LAMA1: variants seen among roughly 807,000 people sequenced by gnomAD.
The protein encoded by LAMA1 is laminin subunit alpha 1, also known as laminin subunit alpha-1.
A neutral mutation model predicts 348.7 loss-of-function variants in LAMA1; 219 were observed. The ratio of observed to expected loss-of-function variants is 0.63; its 90% confidence interval spans 0.56 to 0.70. The LOEUF (loss-of-function observed/expected upper bound fraction) is 0.70, where lower values mean the gene tolerates loss of function less well. Among genes scored for constraint, LAMA1 ranks in the 30% least tolerant of loss-of-function variants. The pLI is 0.00. For missense variants in LAMA1, 3,744 were observed against 3,888.0 expected, an observed-to-expected ratio of 0.96 and a Z score of 0.99; for synonymous variants, 1,487 against 1,491.0, an observed-to-expected ratio of 1.00 and a Z score of 0.06.
At chr18:6,986,486 G>T in intron 36 of LAMA1, 139 bp from the exon 37 acceptor site, 1 of 736,164 alleles carries the variant, frequency 1.4e-6, no homozygotes, top group East Asian at 2.7e-5. Context: ...AACTTCTTAA[G>T]AATGGAAACA....
In LAMA1 at chr18:6,950,985, G is replaced by A. The variant is rs889904867; in HGVS notation, c.8208-14C>T. ...TCAACCGAGAGCCTGGGGAAAACAA[G>A]TGCTCAGCGTTGAGAAAGGAAACTT... On this transcript the variant is annotated splice_polypyrimidine_tract_variant and intron_variant, in intron 57 of 62. Coordinates refer to ENST00000389658, the MANE Select transcript of LAMA1 (RefSeq NM_005559.4). The A allele has an allele frequency of 6.2e-7, 1 of 1,612,080 alleles. No individual in the cohort carries two copies. Among genetic ancestry groups the A allele is most frequent in the Non-Finnish European group, 8.5e-7 (1 of 1,179,244 alleles).
At chr18:7,007,422 A>G in intron 28 of LAMA1, 146 bp from the exon 29 acceptor site, 1 of 742,068 alleles carries the variant, frequency 1.3e-6, no homozygotes. Context: ...AATGCAAATG[A>G]AAAAACACAA....
intron 3 of LAMA1, chr18:7,079,464 T>C (rs765726039): frequency 1.0e-5 from 2 of 190,614 alleles, no homozygotes; most frequent in Non-Finnish European, 2.2e-5. Flanking sequence ...CTTAAGTTAC[T>C]ATTGGGCAAC....
rs11338285 is a variant in LAMA1 at position 6,965,207 on chromosome 18, GA to G, written c.7195+80del. 0.024 allele frequency: 36,873 copies of G among 1,565,486 alleles called. 6,529 individuals are homozygous for G. In the African/African-American group the frequency reaches 0.41, roughly 17 times the overall value. On this transcript the variant is annotated intron_variant, in intron 50 of 62. Coordinates refer to ENST00000389658, the MANE Select transcript of LAMA1 (RefSeq NM_005559.4). Reference sequence around the variant, plus strand: ...ATTCAATACCCAGGAAACTACTGTGGAAAAAAAGAATGCTGATTTTGAAAAG... The same window carrying G: ...ATTCAATACCCAGGAAACTACTGTGGAAAAAAGAATGCTGATTTTGAAAAG...
Position 7,015,645 on chromosome 18 carries a change from A to G in LAMA1, c.3126+77T>C, listed in dbSNP as rs759858896. On this transcript the variant is annotated intron_variant, in intron 22 of 62. Transcript: ENST00000389658. ...TTCAACAGATTAAAGTCCAGAAAAT[A>G]TATAGAAGAACAGGCCTGAAACTTG... is the stretch of plus-strand genomic sequence containing the variant. The G allele has an allele frequency of 2.2e-4, 337 of 1,550,232 alleles. 1 individual carries two copies. The highest frequency in any genetic ancestry group is 2.8e-4 in the Non-Finnish European group (311 of 1,126,550).
At position 7,050,923 on chromosome 18, in the gene LAMA1, G is replaced by A. The variant is rs914979365; in HGVS notation, c.359C>T (p.Ala120Val). The A allele has an allele frequency of 6.2e-6, 10 of 1,614,106 alleles. No homozygotes were observed. The highest frequency in any genetic ancestry group is 8.5e-6 in the Non-Finnish European group (10 of 1,180,016). ...TLDLRQVFQVAYVIIKAANAP... is the reference protein window; with the variant it reads ...TLDLRQVFQVVYVIIKAANAP... ...ATTGGCAGCTTTAATGATGACATAT[G>A]CAACTTGAAAGACCTGAAACAAAGA... Residue 120 changes from alanine (A) to valine (V), a missense_variant, in exon 4 of 63, where the codon GCA (alanine) becomes GTA (valine). Ala to Val is a moderately conservative substitution (Grantham distance 64). This residue lies in a region of LAMA1 where 1,529 missense variants were observed against 1,689.4 expected (regional missense o/e 0.91). Transcript: ENST00000389658.
At chr18:7,003,925 C>T (rs2057820200) in intron 29 of LAMA1, among the ~76,000 whole-genome samples, 2 of 152,280 alleles carry the variant, frequency 1.3e-5, no homozygotes, top group Admixed American at 6.5e-5. Context: ...ACCTCTCAAA[C>T]TCATCTCTCT....
In LAMA1 at chr18:6,950,633, C is replaced by T; in HGVS notation, c.8397+149G>A. On this transcript the variant is annotated intron_variant, in intron 58 of 62. Coordinates refer to ENST00000389658, the MANE Select transcript of LAMA1 (RefSeq NM_005559.4). The stretch of plus-strand genomic sequence containing the variant: ...CGGAAGCAGAAAAGATCCCTGCCTT[C>T]AAGACTTGTAGTCTCTGGGGGAGAC... 8 of 915,316 alleles carry T rather than the reference C, an allele frequency of 8.7e-6. 1 individual carries two copies. In the South Asian group the frequency reaches 1.1e-4, roughly 13 times the overall value. The allele number at this position is 915,316 out of a possible 1,614,324, so 56.7% of individuals were successfully genotyped here.
intron 23 of LAMA1, among the ~76,000 whole-genome samples, chr18:7,012,632 A>C (rs978374458): frequency 5.3e-5 from 8 of 150,432 alleles, no homozygotes; most frequent in Non-Finnish European, 8.9e-5. Context: ...CAGCCTCCCG[A>C]GTAGCTGGGA....
intron 55 of LAMA1, 109 bp from the exon 56 acceptor site, chr18:6,956,874 T>C: frequency 1.6e-6 from 2 of 1,262,494 alleles, no homozygotes; most frequent in South Asian, 2.5e-5. Flanking sequence ...ACCATGTATA[T>C]ATTTCTCTTA....
At chr18:6,998,523 T>A (rs955927259) in intron 32 of LAMA1, among the ~76,000 whole-genome samples, 1 of 152,100 alleles carries the variant, frequency 6.6e-6, no homozygotes, top group Non-Finnish European at 1.5e-5. Flanking sequence ...AGTTTGCAAA[T>A]GCATCTTTCA....
intron 1 of LAMA1, 127 bp from the exon 2 acceptor site, chr18:7,080,584 C>T: frequency 4.1e-6 from 4 of 965,872 alleles, no homozygotes. Context: ...GGAATCCTTA[C>T]ACAAACACCG....
chr18:6,959,808 A>C, intron 53 of LAMA1: 1 of 323,264 alleles, frequency 3.1e-6, no homozygotes, highest in Non-Finnish European at 6.0e-6. Flanking sequence ...TTTATCAATG[A>C]AATTTAAAGT....
In LAMA1 at chr18:6,980,631, G is replaced by C. The variant is rs2057707142; in HGVS notation, c.5897C>G (p.Ala1966Gly). 6.3e-7 allele frequency: 1 copy of C among 1,593,012 alleles called. No individual in the cohort carries two copies. The highest frequency in any genetic ancestry group is 1.3e-5 in the African/African-American group (1 of 74,516). The change falls in exon 42 of 63, where the codon GCA (alanine) becomes GGA (glycine). Residue 1966 changes from alanine (A) to glycine (G), a missense_variant. By Grantham distance (60) the Ala-to-Gly change is moderately conservative. Transcript: ENST00000389658. ...NNLSRKLPGI[A>G]LELSELRNKT... is the part of the protein sequence containing the mutation. ...ATTTCTCAATTCACTCAGTTCCAAT[G>C]CAATACCTATTTAAAGGGAGAAAAA...
At chr18:6,979,632 G>A (rs960106860) in intron 42 of LAMA1, among the ~76,000 whole-genome samples, 3 of 152,332 alleles carry the variant, frequency 2.0e-5, no homozygotes, top group Admixed American at 2.0e-4. Flanking sequence ...AGGCGCGGTG[G>A]CTCACGCCTG....
chr18:7,015,873 A>G lies in LAMA1; in HGVS notation c.2990-15T>C. The stretch of plus-strand genomic sequence containing the variant: ...GCAGTCACAGGCTGAAATAAAGATG[A>G]ATGCTGGGTTACAGATCTGGGTGAT... On this transcript the variant is annotated splice_polypyrimidine_tract_variant and intron_variant, in intron 21 of 62. Transcript: ENST00000389658. 1.2e-6 allele frequency: 2 copies of G among 1,614,006 alleles called. No homozygotes were observed. Among genetic ancestry groups the G allele is most frequent in the Non-Finnish European group, 1.7e-6 (2 of 1,179,982 alleles).
At chr18:7,060,714 GGAAAGAAATACTTCAA>G (rs2058099081) in intron 3 of LAMA1, among the ~76,000 whole-genome samples, 1 of 152,134 alleles carries the variant, frequency 6.6e-6, no homozygotes, top group South Asian at 2.1e-4. Context: ...TCTGAAGATA[GGAAAGAAATACTTCAA>G]ACACCTGTCA....
rs543434283 is a variant in LAMA1 at position 7,093,154 on chromosome 18, C to T, written c.62-12697G>A. On this transcript the variant is annotated intron_variant, in intron 1 of 62. Coordinates refer to ENST00000389658, the MANE Select transcript of LAMA1 (RefSeq NM_005559.4). ...TCAAATGGCGGGGCACAGTGGCTCA[C>T]GCCTGTAATCCCAGCACTTTGGGAG... Among the ~76,000 whole-genome samples the T allele has an allele frequency of 2.6e-5, 4 of 152,268 alleles. No homozygotes were observed. In the South Asian group the frequency reaches 6.2e-4, roughly 24 times the overall value.
intron 3 of LAMA1, among the ~76,000 whole-genome samples, chr18:7,059,542 A>T (rs1284823935): frequency 6.6e-6 from 1 of 152,200 alleles, no homozygotes; most frequent in Non-Finnish European, 1.5e-5. Flanking sequence ...TCTTAACTTA[A>T]ATATATTAAA....
Sources: allele counts gnomAD v4.1 joint callset (sites outside exome capture counted in the v4.1 genomes callset), GRCh38; gene constraint gnomAD v4.1.1; regional missense constraint gnomAD v4.1.1; transcripts MANE v1.5; gene names NCBI Gene and HGNC (gene_info 2026-07-23, HGNC 2026-07-21).